SQOR: variants seen among roughly 807,000 people sequenced by gnomAD.
SQOR encodes sulfide quinone oxidoreductase.
SQOR carries 39 observed loss-of-function variants against 48.6 expected under a neutral mutation model. The ratio of observed to expected loss-of-function variants is 0.80; its 90% CI spans 0.62 to 1.05. The LOEUF (loss-of-function observed/expected upper bound fraction) is 1.05. Ranked by LOEUF, SQOR falls within the 50% of genes least tolerant of loss-of-function variation. SQOR has a pLI of 0.00. For synonymous variants in SQOR, 220 were observed against 206.2 expected (o/e 1.07, Z -0.57); for missense variants, 561 against 559.9 (o/e 1.00, Z -0.02).
At chr15:45,633,709 A>G (rs555641917), upstream of SQOR, among the ~76,000 whole-genome samples, 1,139 of 151,220 alleles carry the variant, frequency 7.5e-3, 10 homozygotes, top group African/African-American at 0.026. Context: ...AAAAAAAAAA[A>G]AAAAGAAGAA....
intron 3 of SQOR, among the ~76,000 whole-genome samples, chr15:45,663,560 G>C (rs977944451): frequency 6.6e-6 from 1 of 152,014 alleles, no homozygotes; most frequent in Admixed American, 6.6e-5. Flanking sequence ...GAGCCCATGA[G>C]GTCAAGGCCA....
intron 3 of SQOR, 77 bp from the exon 4 acceptor site, chr15:45,669,851 A>C (rs1283258138): frequency 8.0e-7 from 1 of 1,248,958 alleles, no homozygotes; most frequent in Non-Finnish European, 1.2e-6. Flanking sequence ...ACATGGAACC[A>C]CATCTGGGGC....
chr15:45,636,267 A>G (rs1317964063), intron 1 of SQOR, among the ~76,000 whole-genome samples: 2 of 152,218 alleles, frequency 1.3e-5, no homozygotes, highest in Admixed American at 6.5e-5. Flanking sequence ...GCGTTATTTA[A>G]TAACAAGGTT....
intron 1 of SQOR, among the ~76,000 whole-genome samples, chr15:45,653,879 G>A (rs1889543741): frequency 6.6e-6 from 1 of 152,182 alleles, no homozygotes; most frequent in African/African-American, 2.4e-5. Context: ...GTTTATGCCT[G>A]TAATCCCAGC....
At chr15:45,644,799 T>A (rs895155753) in intron 1 of SQOR, among the ~76,000 whole-genome samples, 5 of 152,214 alleles carry the variant, frequency 3.3e-5, no homozygotes, top group Admixed American at 3.3e-4. Flanking sequence ...TGCCTATAGT[T>A]GTAGTTGTCT....
intron 1 of SQOR, among the ~76,000 whole-genome samples, chr15:45,642,547 A>T (rs629466): frequency 0.27 from 40,800 of 152,014 alleles, 6,793 homozygotes; most frequent in East Asian, 0.64. Context: ...TTGTCTGGGA[A>T]TAAGCTCTCA....
intron 7 of SQOR, 58 bp downstream of exon 7, chr15:45,682,719 T>A (rs912741939): frequency 1.3e-6 from 2 of 1,582,178 alleles, no homozygotes; most frequent in Non-Finnish European, 1.7e-6. Context: ...CAAGGCATGA[T>A]TGTAACAAAA....
At chr15:45,671,750 T>C (rs1045013031) in intron 4 of SQOR, among the ~76,000 whole-genome samples, 1 of 152,200 alleles carries the variant, frequency 6.6e-6, no homozygotes, top group Non-Finnish European at 1.5e-5. Context: ...CCTCTCTTTG[T>C]CCATCTCTCT....
rs574254191 is a variant in SQOR at position 45,659,796 on chromosome 15, G to A, written c.234+639G>A. ...TGCAAAGACCCTATTTCCAAATAAG[G>A]TTACATTCCCAGGTACTGGGGTTAG... is the stretch of plus-strand genomic sequence containing the variant. On this transcript the variant is annotated intron_variant, in intron 2 of 9. Coordinates refer to ENST00000260324, the MANE Select transcript of SQOR (RefSeq NM_021199.4). Among the ~76,000 whole-genome samples, 3 of 152,278 alleles carry A rather than the reference G, an allele frequency of 2.0e-5. No individual in the cohort carries two copies. In the East Asian group the frequency reaches 5.8e-4, roughly 29 times the overall value.
intron 7 of SQOR, among the ~76,000 whole-genome samples, chr15:45,684,195 G>C (rs1240573914): frequency 6.6e-6 from 1 of 152,176 alleles, no homozygotes; most frequent in Admixed American, 6.6e-5. Flanking sequence ...TTACAGGCGT[G>C]AGCCACCACG....
At chr15:45,635,162 G>C (rs1894978847) in intron 1 of SQOR, 54 bp downstream of exon 1, 1 of 152,346 alleles carries the variant, frequency 6.6e-6, no homozygotes, top group South Asian at 2.1e-4. Context: ...GGGAGACTGG[G>C]CGGGGACAGC....
intron 1 of SQOR, among the ~76,000 whole-genome samples, chr15:45,651,708 A>T (rs1019299367): frequency 5.3e-5 from 8 of 152,106 alleles, no homozygotes; most frequent in African/African-American, 1.4e-4. Context: ...GCCTCAAGCA[A>T]TCCTCCCACC....
chr15:45,655,125 G>A (rs1371969960), intron 1 of SQOR, among the ~76,000 whole-genome samples: 1 of 152,152 alleles, frequency 6.6e-6, no homozygotes, highest in Non-Finnish European at 1.5e-5. Flanking sequence ...CCTTACCGAG[G>A]ACTTCCATAC....
chr15:45,656,120 G>T (rs1444418769), intron 1 of SQOR, among the ~76,000 whole-genome samples: 1 of 151,950 alleles, frequency 6.6e-6, no homozygotes, highest in Non-Finnish European at 1.5e-5. Context: ...AAAATACCTG[G>T]GTACAAATCA....
At chr15:45,689,254 A>G in intron 9 of SQOR, 37 bp downstream of exon 9, 1 of 1,605,428 alleles carries the variant, frequency 6.2e-7, no homozygotes, top group Non-Finnish European at 8.5e-7. Flanking sequence ...GAGGAAAGGG[A>G]TTTGTAGCAC....
At chr15:45,635,546 G>A (rs1437257009) in intron 1 of SQOR, among the ~76,000 whole-genome samples, 2 of 152,168 alleles carry the variant, frequency 1.3e-5, no homozygotes, top group South Asian at 4.1e-4. Context: ...GACAGAGGGG[G>A]CGCTCGAGGG....
chr15:45,635,867 G>T (rs778863297), intron 1 of SQOR, among the ~76,000 whole-genome samples: 3 of 152,022 alleles, frequency 2.0e-5, no homozygotes, highest in Non-Finnish European at 2.9e-5. Flanking sequence ...ACAGAGTCTT[G>T]CTCTGTCGCC....
chr15:45,632,882 T>C (rs977409376), upstream of SQOR, among the ~76,000 whole-genome samples: 1 of 150,962 alleles, frequency 6.6e-6, no homozygotes, highest in Non-Finnish European at 1.5e-5. Context: ...GGCGGGAGGA[T>C]GGCTTGAGCC....
intron 1 of SQOR, among the ~76,000 whole-genome samples, chr15:45,649,325 C>T (rs1419770359): frequency 6.6e-6 from 1 of 152,168 alleles, no homozygotes; most frequent in Non-Finnish European, 1.5e-5. Context: ...CATATCAAAG[C>T]ATTCATTCCC....
Sources: gnomAD v4.1 joint callset for allele counts (sites outside exome capture counted in the v4.1 genomes callset) on GRCh38, gnomAD v4.1.1 for gene constraint, MANE v1.5 for transcripts, NCBI Gene and HGNC (gene_info 2026-07-23, HGNC 2026-07-21) for gene names.